SUGCT: variants seen among roughly 807,000 people sequenced by gnomAD.
SUGCT encodes succinyl-CoA:glutarate CoA-transferase.
In SUGCT, 41 loss-of-function variants were observed where a neutral mutation model predicts 55.0. The observed-to-expected ratio is 0.74, with a 90% confidence interval of 0.58 to 0.97. The LOEUF is 0.97. Among genes scored for constraint, SUGCT ranks in the 50% least tolerant of loss-of-function variants. SUGCT has a pLI of 0.00. For missense variants in SUGCT, 568 were observed against 547.8 expected, an observed-to-expected ratio of 1.04 and a Z score of -0.37; for synonymous variants, 187 against 200.4, an observed-to-expected ratio of 0.93 and a Z score of 0.56.
intron 9 of SUGCT, among the ~76,000 whole-genome samples, chr7:40,382,605 G>A (rs1166538285): frequency 6.6e-6 from 1 of 152,156 alleles, no homozygotes; most frequent in Non-Finnish European, 1.5e-5. Context: ...AATGTCTTAT[G>A]TTTAGGAAGG....
chr7:40,259,725 C>T (rs952285022), intron 7 of SUGCT, among the ~76,000 whole-genome samples: 1 of 152,168 alleles, frequency 6.6e-6, no homozygotes, highest in Non-Finnish European at 1.5e-5. Flanking sequence ...ACTCATATAT[C>T]CACATTTTGT....
chr7:40,962,606 C>CACAG, the SUGCT span, among the ~76,000 whole-genome samples: 1 of 140,844 alleles, frequency 7.1e-6, no homozygotes, highest in South Asian at 2.4e-4. Flanking sequence ...CACACACACA[C>CACAG]ACACATCAGA....
intron 13 of SUGCT, among the ~76,000 whole-genome samples, chr7:40,795,751 G>C (rs758059325): frequency 1.3e-5 from 2 of 152,146 alleles, no homozygotes; most frequent in Admixed American, 6.6e-5. Flanking sequence ...ATTTCAACCA[G>C]CAGAATGTGC....
intron 5 of SUGCT, among the ~76,000 whole-genome samples, chr7:40,189,827 C>G (rs1041843627): frequency 1.3e-5 from 2 of 152,156 alleles, no homozygotes; most frequent in African/African-American, 2.4e-5. Flanking sequence ...AGCACCAACT[C>G]TGCAGCAAAT....
At chr7:40,924,228 T>C in the SUGCT span, among the ~76,000 whole-genome samples, 6 of 151,640 alleles carry the variant, frequency 4.0e-5, no homozygotes, top group African/African-American at 1.5e-4. Context: ...ACTAAGACAT[T>C]TTATCTTCAG....
At chr7:40,533,760 A>G (rs974759903) in intron 12 of SUGCT, among the ~76,000 whole-genome samples, 4 of 152,180 alleles carry the variant, frequency 2.6e-5, no homozygotes, top group Admixed American at 2.6e-4. Context: ...GTGTTTTAAT[A>G]ACTTTTGTGA....
At chr7:40,569,459 C>G (rs1796323304) in intron 12 of SUGCT, among the ~76,000 whole-genome samples, 1 of 152,194 alleles carries the variant, frequency 6.6e-6, no homozygotes, top group Admixed American at 6.5e-5. Flanking sequence ...CTAGCTGAAT[C>G]TGATTCTGCT....
chr7:40,891,938 G>T, the SUGCT span, among the ~76,000 whole-genome samples: 2 of 152,010 alleles, frequency 1.3e-5, no homozygotes, highest in Non-Finnish European at 2.9e-5. Context: ...AACCCAGGAG[G>T]CAGAGATTGT....
chr7:40,380,221 C>T (rs1784802633), intron 9 of SUGCT, among the ~76,000 whole-genome samples: 1 of 152,130 alleles, frequency 6.6e-6, no homozygotes, highest in Admixed American at 6.5e-5. Flanking sequence ...TACTGTTTTT[C>T]AAGGCTAGTG....
intron 1 of SUGCT, chr7:40,153,299 G>A (rs1788677456): frequency 2.5e-6 from 1 of 396,938 alleles, no homozygotes; most frequent in Non-Finnish European, 4.8e-6. Flanking sequence ...GTAAAGTTTA[G>A]AGTCATGTGC....
the SUGCT span, among the ~76,000 whole-genome samples, chr7:40,915,703 G>A: frequency 2.6e-5 from 4 of 152,158 alleles, no homozygotes; most frequent in Admixed American, 2.6e-4. Flanking sequence ...TCTCCTGCTG[G>A]GACAGGCAGC....
At chr7:40,535,800 G>A (rs1794330727) in intron 12 of SUGCT, among the ~76,000 whole-genome samples, 1 of 152,270 alleles carries the variant, frequency 6.6e-6, no homozygotes, top group African/African-American at 2.4e-5. Flanking sequence ...ACCTCCCAAA[G>A]TGCTGGGATT....
At chr7:40,336,902 C>T (rs1796742653) in intron 9 of SUGCT, among the ~76,000 whole-genome samples, 1 of 151,884 alleles carries the variant, frequency 6.6e-6, no homozygotes, top group African/African-American at 2.4e-5. Flanking sequence ...ATAAATTTCC[C>T]TCTACACACA....
intron 9 of SUGCT, among the ~76,000 whole-genome samples, chr7:40,388,346 G>T (rs1418660570): frequency 6.6e-6 from 1 of 152,062 alleles, no homozygotes; most frequent in East Asian, 1.9e-4. Flanking sequence ...ATATAATGAG[G>T]AAATTTTGAC....
chr7:40,757,971 CAT>C (rs780180490), intron 13 of SUGCT, among the ~76,000 whole-genome samples: 1 of 152,126 alleles, frequency 6.6e-6, no homozygotes, highest in Non-Finnish European at 1.5e-5. Flanking sequence ...TTTAATTAGA[CAT>C]GTAAACTGAT....
At position 40,315,199 on chromosome 7, in the gene SUGCT, T is replaced by G. The variant is rs186449480; in HGVS notation, c.721-1561T>G. Among the ~76,000 whole-genome samples the G allele has an allele frequency of 1.4e-4, 22 of 152,314 alleles. No individual in the cohort carries two copies. In the East Asian group the frequency reaches 3.3e-3, roughly 23 times the overall value. ...AGAAGATCAAAGAAGGTAAATTACA[T>G]ACCCACAGTCATGGAACTATTTAGA... On this transcript the variant is annotated intron_variant, in intron 8 of 13. Transcript: ENST00000335693.
intron 6 of SUGCT, among the ~76,000 whole-genome samples, chr7:40,223,881 C>T (rs1788182499): frequency 6.6e-6 from 1 of 152,148 alleles, no homozygotes; most frequent in Non-Finnish European, 1.5e-5. Flanking sequence ...ATCCATTTAT[C>T]TGGATTTGAT....
chr7:40,713,836 C>T (rs1429902197), intron 12 of SUGCT, among the ~76,000 whole-genome samples: 1 of 152,186 alleles, frequency 6.6e-6, no homozygotes, highest in Non-Finnish European at 1.5e-5. Flanking sequence ...CAATGCTCCC[C>T]ATCACATCAT....
At chr7:40,661,928 C>G (rs1801348174) in intron 12 of SUGCT, among the ~76,000 whole-genome samples, 1 of 152,184 alleles carries the variant, frequency 6.6e-6, no homozygotes, top group African/African-American at 2.4e-5. Context: ...ACAGATATCT[C>G]TAAATTGTTC....
Sources: gnomAD v4.1 joint callset for allele counts (sites outside exome capture counted in the v4.1 genomes callset) on GRCh38, gnomAD v4.1.1 for gene constraint, MANE v1.5 for transcripts, NCBI Gene and HGNC (gene_info 2026-07-23, HGNC 2026-07-21) for gene names.